Variants in JADE3 observed in about 807,000 individuals in gnomAD.
The protein encoded by JADE3 is jade family PHD finger 3.
A neutral mutation model predicts 50.1 loss-of-function variants in JADE3; 2 were observed. The ratio of observed to expected loss-of-function variants is 0.04; its 90% CI spans 0.02 to 0.13. The LOEUF is 0.13. JADE3 is among the 10% of genes least tolerant of loss of function. JADE3 has a pLI of 1.00. For missense variants in JADE3, 475 were observed against 634.4 expected (o/e 0.75, Z 2.70); for synonymous variants, 218 against 232.9 (o/e 0.94, Z 0.58).
intron 3 of JADE3, among the ~76,000 whole-genome samples, chrX:46,989,887 T>C (rs782477391): frequency 9.0e-6 from 1 of 111,032 alleles, no homozygotes; most frequent in East Asian, 2.8e-4. Flanking sequence ...CTTTTCTTTT[T>C]TTTTTCAGTG....
chrX:47,056,764 A>C (rs1054476097), intron 10 of JADE3, among the ~76,000 whole-genome samples: 1 of 111,928 alleles, frequency 8.9e-6, no homozygotes, highest in Non-Finnish European at 1.9e-5. Context: ...ACAGGTGAGC[A>C]TAATTATAGT....
chrX:46,985,720 C>T lies in JADE3; in HGVS notation c.54C>T (p.Ser18=). The part of the protein sequence containing the change: ...SSSDSSDESP[S]TSFTSGSMYR... Reference sequence around the variant, plus strand: ...TCTAATTATCTTTCACAGGTCCTTCCACTTCCTTTACTTCTGGCTCAATGT... The same window carrying T: ...TCTAATTATCTTTCACAGGTCCTTCTACTTCCTTTACTTCTGGCTCAATGT... Residue 18 remains serine (S), a synonymous_variant, in exon 3 of 11, where the codon TCC becomes TCT. Coordinates refer to ENST00000614628, the MANE Select transcript of JADE3 (RefSeq NM_014735.5). The T allele has an allele frequency of 4.2e-6, 5 of 1,188,934 alleles. No individual in the cohort carries two copies. Among genetic ancestry groups the T allele is most frequent in the Non-Finnish European group, 5.7e-6 (5 of 875,839 alleles).
chrX:46,948,539 T>C (rs781847974), intron 1 of JADE3, among the ~76,000 whole-genome samples: 1 of 111,828 alleles, frequency 8.9e-6, no homozygotes, highest in African/African-American at 3.3e-5. Context: ...ATACAATATA[T>C]TATTGATAGT....
intron 1 of JADE3, among the ~76,000 whole-genome samples, chrX:46,927,529 C>G (rs1926396395): frequency 8.9e-6 from 1 of 111,791 alleles, no homozygotes; most frequent in Non-Finnish European, 1.9e-5. Context: ...CTTGCCCTGT[C>G]AACACTGAAG....
intron 1 of JADE3, among the ~76,000 whole-genome samples, chrX:46,958,777 C>A (rs1556347056): frequency 1.8e-5 from 2 of 111,855 alleles, no homozygotes; most frequent in African/African-American, 6.5e-5. Context: ...ATTATATCTA[C>A]CCCCATTGAA....
chrX:46,931,203 C>T (rs782771901), intron 1 of JADE3, among the ~76,000 whole-genome samples: 3 of 111,162 alleles, frequency 2.7e-5, no homozygotes, highest in East Asian at 5.6e-4. Flanking sequence ...ATACCTTTTA[C>T]TTATGCCTTT....
chrX:46,980,080 A>G (rs918971206), intron 1 of JADE3, among the ~76,000 whole-genome samples: 7 of 108,364 alleles, frequency 6.5e-5, no homozygotes, highest in Non-Finnish European at 9.6e-5. Context: ...GGGTTTCACC[A>G]TGTTGGCCAG....
intron 1 of JADE3, among the ~76,000 whole-genome samples, chrX:46,926,634 CA>C (rs1602371290): frequency 8.9e-6 from 1 of 112,189 alleles, no homozygotes; most frequent in Non-Finnish European, 1.9e-5. Flanking sequence ...TTCTATTACC[CA>C]AAAAATTCCT....
At chrX:47,006,542 C>T (rs1307150389) in intron 4 of JADE3, among the ~76,000 whole-genome samples, 1 of 106,737 alleles carries the variant, frequency 9.4e-6, no homozygotes, top group African/African-American at 3.4e-5. Context: ...TCAAGCAATC[C>T]GACCACCTCG....
At chrX:46,930,111 T>C (rs782127352) in intron 1 of JADE3, among the ~76,000 whole-genome samples, 1 of 112,455 alleles carries the variant, frequency 8.9e-6, no homozygotes, top group South Asian at 3.7e-4. Flanking sequence ...TGACTCACTT[T>C]GGTCAGTAAA....
chrX:46,938,660 G>T (rs1436674761), intron 1 of JADE3, among the ~76,000 whole-genome samples: 1 of 111,993 alleles, frequency 8.9e-6, no homozygotes, highest in Non-Finnish European at 1.9e-5. Context: ...TTTCCTTCTG[G>T]TATCATTTAC....
At chrX:47,048,044 C>T (rs1400121519) in intron 8 of JADE3, among the ~76,000 whole-genome samples, 1 of 111,426 alleles carries the variant, frequency 9.0e-6, no homozygotes, top group Admixed American at 9.6e-5. Flanking sequence ...GTATTGCTAG[C>T]CAGGAAAGCT....
chrX:46,917,997 C>A (rs1333376632), intron 1 of JADE3, among the ~76,000 whole-genome samples: 1 of 110,890 alleles, frequency 9.0e-6, no homozygotes, highest in Non-Finnish European at 1.9e-5. Context: ...TCCCACCTTG[C>A]AATCCAATAG....
intron 1 of JADE3, among the ~76,000 whole-genome samples, chrX:46,969,917 G>A (rs782362335): frequency 9.0e-6 from 1 of 111,450 alleles, no homozygotes; most frequent in African/African-American, 3.3e-5. Context: ...AAAGATGAAA[G>A]GCCTCAAATG....
chrX:47,046,426 T>C (rs1430493376), intron 8 of JADE3, among the ~76,000 whole-genome samples: 1 of 112,117 alleles, frequency 8.9e-6, no homozygotes, highest in Non-Finnish European at 1.9e-5. Flanking sequence ...ACCCAGTGGC[T>C]TCTCTACTGA....
chrX:46,916,030 C>T (rs1289463334), intron 1 of JADE3, among the ~76,000 whole-genome samples: 1 of 111,792 alleles, frequency 8.9e-6, no homozygotes, highest in Non-Finnish European at 1.9e-5. Context: ...GGCAAGGAAA[C>T]CCAAGCCTAG....
At chrX:46,961,678 G>A (rs782032498) in intron 1 of JADE3, among the ~76,000 whole-genome samples, 3 of 111,385 alleles carry the variant, frequency 2.7e-5, no homozygotes, top group South Asian at 3.8e-4. Flanking sequence ...TACACTGGAC[G>A]AAAGATCTTA....
chrX:46,918,286 A>G (rs1926151046), intron 1 of JADE3, among the ~76,000 whole-genome samples: 1 of 112,154 alleles, frequency 8.9e-6, no homozygotes, highest in Admixed American at 9.4e-5. Flanking sequence ...AAATGGAACT[A>G]TCGAGTATAA....
At chrX:46,915,103 A>G (rs1447833543) in intron 1 of JADE3, among the ~76,000 whole-genome samples, 7 of 111,626 alleles carry the variant, frequency 6.3e-5, no homozygotes, top group African/African-American at 2.3e-4. Flanking sequence ...CTTTCTGCCC[A>G]CTGCTTTGAG....
Sources: gnomAD v4.1 joint callset for allele counts (sites outside exome capture counted in the v4.1 genomes callset) on GRCh38, gnomAD v4.1.1 for gene constraint, MANE v1.5 for transcripts, NCBI Gene and HGNC (gene_info 2026-07-23, HGNC 2026-07-21) for gene names.